Variants in AKAP11 observed in about 807,000 individuals in gnomAD.
The protein encoded by AKAP11 is A-kinase anchor protein 11.
Under a neutral mutation model 146.1 loss-of-function variants are expected in AKAP11, and 36 were observed. The ratio of observed to expected loss-of-function variants is 0.25; its 90% CI spans 0.19 to 0.33. The LOEUF is 0.33. Among genes scored for constraint, AKAP11 ranks in the 10% least tolerant of loss-of-function variants. The pLI is 1.00. For synonymous variants in AKAP11, 780 were observed against 786.5 expected (o/e 0.99, Z 0.14); for missense variants, 2,201 against 2,197.0 (o/e 1.00, Z -0.04).
chr13:42,285,584 G>C (rs1186156890), intron 1 of AKAP11, among the ~76,000 whole-genome samples: 4 of 152,144 alleles, frequency 2.6e-5, no homozygotes. Context: ...AAGATACTGT[G>C]GTCAAATGCA....
At chr13:42,304,863 G>A (rs1395447752) in intron 8 of AKAP11, among the ~76,000 whole-genome samples, 2 of 151,780 alleles carry the variant, frequency 1.3e-5, no homozygotes, top group African/African-American at 2.4e-5. Flanking sequence ...CGATTCCTGT[G>A]CCTCAGCCTC....
At chr13:42,276,870 C>T (rs1165760930) in intron 1 of AKAP11, among the ~76,000 whole-genome samples, 1 of 152,148 alleles carries the variant, frequency 6.6e-6, no homozygotes, top group Non-Finnish European at 1.5e-5. Flanking sequence ...CAGCAATATA[C>T]TCTTAGAGTC....
chr13:42,286,713 C>G (rs1365310533), intron 3 of AKAP11, among the ~76,000 whole-genome samples: 1 of 152,096 alleles, frequency 6.6e-6, no homozygotes, highest in Non-Finnish European at 1.5e-5. Context: ...TCATTCATTC[C>G]TTCATTCAGC....
Position 42,303,156 on chromosome 13 carries a change from G to A in AKAP11, c.4410G>A (p.Lys1470=), listed in dbSNP as rs756544073. The change falls in exon 8 of 13, where the codon AAG becomes AAA. Residue 1470 remains lysine (K), a synonymous_variant. Coordinates refer to ENST00000025301, the MANE Select transcript of AKAP11 (RefSeq NM_016248.4). Reference sequence around the variant, plus strand: ...TTCACAGCATAACAAAAGATGCTAAGGAAGAGTTGACAGCCTCTCTAGTTG... The same window carrying A: ...TTCACAGCATAACAAAAGATGCTAAAGAAGAGTTGACAGCCTCTCTAGTTG... ...SLVHSITKDA[K]EELTASLVGL... 27 of 1,614,076 alleles carry A rather than the reference G, an allele frequency of 1.7e-5. No homozygotes were observed. The highest frequency in any genetic ancestry group is 2.0e-5 in the Non-Finnish European group (24 of 1,180,034).
intron 7 of AKAP11, 34 bp from the exon 8 acceptor site, chr13:42,299,329 A>G (rs1361742412): frequency 1.9e-6 from 3 of 1,549,350 alleles, no homozygotes; most frequent in Admixed American, 4.3e-5. Context: ...GTTTTGTTCA[A>G]AAATAATTTC....
intron 1 of AKAP11, among the ~76,000 whole-genome samples, chr13:42,281,583 T>C (rs540106350): frequency 1.2e-4 from 19 of 152,280 alleles, no homozygotes; most frequent in African/African-American, 4.3e-4. Flanking sequence ...ATTTTTTAAT[T>C]ATAAAAGAAT....
intron 1 of AKAP11, among the ~76,000 whole-genome samples, chr13:42,283,059 C>T (rs771891228): frequency 1.3e-5 from 2 of 152,208 alleles, no homozygotes; most frequent in African/African-American, 4.8e-5. Flanking sequence ...GCTCTAGTAG[C>T]TGTTATCCTT....
intron 11 of AKAP11, 96 bp from the exon 12 acceptor site, chr13:42,317,432 C>A: frequency 7.7e-7 from 1 of 1,304,770 alleles, no homozygotes; most frequent in Non-Finnish European, 1.0e-6. Context: ...CATTAGAATC[C>A]TAAGAACCAG....
chr13:42,272,117 AGGGGGAGGGCTG>A (rs1958780571), upstream of AKAP11: 1 of 3,376 alleles, frequency 3.0e-4, no homozygotes, highest in Non-Finnish European at 6.3e-4. Context: ...CGGGGCTGGG[AGGGGGAGGGCTG>A]GGGGTCAGCG....
In AKAP11 at chr13:42,302,478, T is replaced by A. The variant is rs755836980; in HGVS notation, c.3732T>A (p.Thr1244=). 1 of 1,614,062 alleles carries A rather than the reference T, an allele frequency of 6.2e-7. No individual in the cohort carries two copies. The highest frequency in any genetic ancestry group is 1.1e-5 in the South Asian group (1 of 91,078). Residue 1244 remains threonine, a synonymous_variant, in exon 8 of 13, where the codon ACT becomes ACA. Transcript: ENST00000025301. ...AAAGTCAAAGAAGTGTGTCGCCTAC[T>A]TTTTTAAACCCCTCAGACGAAAATT... ...NVQSQRSVSP[T]FLNPSDENLK...
intron 9 of AKAP11, among the ~76,000 whole-genome samples, chr13:42,311,186 A>G (rs949876385): frequency 2.6e-5 from 4 of 152,212 alleles, no homozygotes; most frequent in Non-Finnish European, 5.9e-5. Context: ...GCAATAAAGC[A>G]TTGCAGTACT....
rs574345391 is a variant in AKAP11 at position 42,313,860 on chromosome 13, T to G, written c.5358-34T>G. On this transcript the variant is annotated intron_variant, in intron 10 of 12. Transcript: ENST00000025301. ...TTTGATACCATTATTAATTAAATTTTTTTTGTAACTGCTTCTGCTATTTTA... is the reference window on the plus strand; with the variant it reads ...TTTGATACCATTATTAATTAAATTTGTTTTGTAACTGCTTCTGCTATTTTA... 3.1e-6 allele frequency: 5 copies of G among 1,597,698 alleles called. No homozygotes were observed. In the East Asian group the frequency reaches 6.7e-5, roughly 21 times the overall value.
intron 5 of AKAP11, 28 bp from the exon 6 acceptor site, chr13:42,297,020 G>T (rs747135639): frequency 6.3e-7 from 1 of 1,576,694 alleles, no homozygotes; most frequent in African/African-American, 1.4e-5. Context: ...ACTCTACAGT[G>T]TTACTTATTG....
chr13:42,279,215 AT>A (rs1304043974), intron 1 of AKAP11, among the ~76,000 whole-genome samples: 1 of 78,864 alleles, frequency 1.3e-5, no homozygotes, highest in Non-Finnish European at 2.7e-5. Context: ...TTGTCTTCAA[AT>A]TTTTTTTTCT....
chr13:42,300,134 C>T lies in AKAP11; in HGVS notation c.1388C>T (p.Pro463Leu), dbSNP rs1431099575. 3 of 1,613,770 alleles carry T rather than the reference C, an allele frequency of 1.9e-6. No individual in the cohort carries two copies. In the East Asian group the frequency reaches 6.7e-5, roughly 36 times the overall value. Residue 463 changes from proline (P) to leucine (L), a missense_variant, in exon 8 of 13, where the codon CCA becomes CTA. By Grantham distance (98) the Pro-to-Leu change is moderately conservative (BLOSUM62 -3). Coordinates refer to ENST00000025301, the MANE Select transcript of AKAP11 (RefSeq NM_016248.4). ...SAFSPLGGCT[P>L]AECFCQTDIG... Reference sequence around the variant, plus strand: ...TTTAGTCCTCTTGGAGGCTGTACTCCAGCTGAATGTTTTTGCCAAACAGAT... The same window carrying T: ...TTTAGTCCTCTTGGAGGCTGTACTCTAGCTGAATGTTTTTGCCAAACAGAT...
chr13:42,303,850 C>A lies in AKAP11; in HGVS notation c.5104C>A (p.His1702Asn). ...TMTAAVTNVG[H>N]AVSSSKEIED... ...GACAGCAGCTGTCACAAATGTTGGG[C>A]ATGCTGTTAGCAGGTAAGTTTCACG... The change falls in exon 8 of 13, where the codon CAT becomes AAT. Residue 1702 changes from histidine to asparagine, a missense_variant. This residue lies in a region of AKAP11 where 1,867 missense variants were observed against 1,833.5 expected (regional missense o/e 1.02). Transcript: ENST00000025301. 6.3e-7 allele frequency: 1 copy of A among 1,578,998 alleles called. No individual in the cohort carries two copies. Among genetic ancestry groups the A allele is most frequent in the Non-Finnish European group, 8.6e-7 (1 of 1,164,346 alleles).
Position 42,300,271 on chromosome 13 carries a change from A to G in AKAP11, c.1525A>G (p.Thr509Ala). The G allele has an allele frequency of 1.9e-6, 3 of 1,613,774 alleles. No homozygotes were observed. Among genetic ancestry groups the G allele is most frequent in the Non-Finnish European group, 2.5e-6 (3 of 1,179,794 alleles). Residue 509 changes from threonine (T) to alanine (A), a missense_variant, in exon 8 of 13, where the codon ACT becomes GCT. Around this residue, in one of 3 missense-constraint regions of AKAP11, gnomAD observed 1,867 missense variants for 1,833.5 expected, o/e 1.02. Transcript: ENST00000025301. ...AGGCTCAGTTCTTCGTACCCACCAT[A>G]CTAATACCCTATCAAATATTAACAG... is the stretch of plus-strand genomic sequence containing the variant. ...VLGSVLRTHH[T>A]NTLSNINSIK...
At position 42,313,036 on chromosome 13, in the gene AKAP11, TC is replaced by T; in HGVS notation, c.5274-9del. ...TTCTAGTTCAGCTCTGTTCTTTTCT[TC>T]CTCTGGCAGTAATGGTAACAGCAGT... On this transcript the variant is annotated splice_polypyrimidine_tract_variant and intron_variant, in intron 9 of 12. Transcript: ENST00000025301. 1 of 1,609,888 alleles carries T rather than the reference TC, an allele frequency of 6.2e-7. No individual in the cohort carries two copies. The highest frequency in any genetic ancestry group is 8.5e-7 in the Non-Finnish European group (1 of 1,176,962).
At chr13:42,281,934 T>C (rs1003670387) in intron 1 of AKAP11, among the ~76,000 whole-genome samples, 4 of 152,082 alleles carry the variant, frequency 2.6e-5, no homozygotes, top group Non-Finnish European at 4.4e-5. Context: ...TGCACAAATA[T>C]TTACATATGT....
Sources: allele counts gnomAD v4.1 joint callset (sites outside exome capture counted in the v4.1 genomes callset), GRCh38; gene constraint gnomAD v4.1.1; regional missense constraint gnomAD v4.1.1; transcripts MANE v1.5; gene names NCBI Gene and HGNC (gene_info 2026-07-23, HGNC 2026-07-21).